USHBP1: variants seen among roughly 807,000 people sequenced by gnomAD.
USHBP1 encodes the protein harmonin-binding protein USHBP1.
USHBP1 carries 67 observed loss-of-function variants against 76.2 expected under a neutral mutation model. The ratio of observed to expected loss-of-function variants is 0.88; its 90% confidence interval spans 0.72 to 1.08. USHBP1 has a LOEUF of 1.08. Among genes scored for constraint, USHBP1 ranks in the 50% least tolerant of loss-of-function variants. The pLI is 0.00. For synonymous variants in USHBP1, 322 were observed against 362.2 expected, an observed-to-expected ratio of 0.89 and a Z score of 1.26; for missense variants, 931 against 915.0, an observed-to-expected ratio of 1.02 and a Z score of -0.23.
chr19:17,252,203 A>C (rs2073561683), intron 10 of USHBP1, among the ~76,000 whole-genome samples, 186 bp from the exon 11 acceptor site: 1 of 152,098 alleles, frequency 6.6e-6, no homozygotes, highest in Admixed American at 6.6e-5. Context: ...TAATTAAAAA[A>C]AATTTTTTTT....
rs1437922381 is a variant in USHBP1 at position 17,262,708 on chromosome 19, C to A, written c.486G>T (p.Lys162Asn). The change falls in exon 4 of 13, where the codon AAG (lysine) becomes AAT (asparagine). Residue 162 changes from lysine (K) to asparagine (N), a missense_variant. Coordinates refer to ENST00000252597, the MANE Select transcript of USHBP1 (RefSeq NM_031941.4). ...GCTGGCAGCTCCCTGCCCCTTCCTG[C>A]TTCCCAAGGGAACCTGCTCCCCCTT... ...TSEGGAGSLG[K>N]QEGAGSCQRE... is the part of the protein sequence containing the mutation. 12 of 1,614,120 alleles carry A rather than the reference C, an allele frequency of 7.4e-6. No individual in the cohort carries two copies. The highest frequency in any genetic ancestry group is 1.3e-5 in the African/African-American group (1 of 74,950).
At chr19:17,251,559 G>C in intron 12 of USHBP1, 23 bp downstream of exon 12, 1 of 1,612,274 alleles carries the variant, frequency 6.2e-7, no homozygotes, top group Non-Finnish European at 8.5e-7. Context: ...CAGGGGGATT[G>C]GGGGGATGCA....
chr19:17,250,280 A>AG lies in USHBP1; in HGVS notation c.2056dup (p.Leu686ProfsTer58). 4 of 1,613,580 alleles carry AG rather than the reference A, an allele frequency of 2.5e-6. No individual in the cohort carries two copies. The highest frequency in any genetic ancestry group is 3.4e-6 in the Non-Finnish European group (4 of 1,179,924). On this transcript the variant is annotated frameshift_variant, in exon 13 of 13. Transcript: ENST00000252597. LOFTEE classifies it low-confidence loss of function (END_TRUNC). ...CGGGAGGGGAGGCCTGGGCTTCCCCAGGGCCCTTGCAGTGGCTTCGAGCAC... is the reference window on the plus strand; with the variant it reads ...CGGGAGGGGAGGCCTGGGCTTCCCCAGGGGCCCTTGCAGTGGCTTCGAGCAC...
At chr19:17,253,317 G>A (rs1599466405) in intron 10 of USHBP1, among the ~76,000 whole-genome samples, 1 of 57,408 alleles carries the variant, frequency 1.7e-5, no homozygotes, top group African/African-American at 1.0e-4. Context: ...TTTTTGAGAC[G>A]GAGTCTCGTC....
intron 9 of USHBP1, 68 bp downstream of exon 9, chr19:17,256,403 C>G: frequency 3.1e-6 from 5 of 1,589,250 alleles, no homozygotes; most frequent in Non-Finnish European, 4.3e-6. Flanking sequence ...CTCCTTGGTC[C>G]CCCGACCTCA....
rs1320343998 is a variant in USHBP1 at position 17,263,983 on chromosome 19, C to T, written c.203+19G>A. ...TGCGTCTGGACTGGAGTGAAGGGCA[C>T]AGACCAAGCGGGTCTTACCTGCTTC... On this transcript the variant is annotated intron_variant, in intron 3 of 12. Coordinates refer to ENST00000252597, the MANE Select transcript of USHBP1 (RefSeq NM_031941.4). 2.6e-6 allele frequency: 4 copies of T among 1,541,734 alleles called. No homozygotes were observed. The Admixed American group carries it at 7.9e-5, about 30-fold the overall frequency.
rs1373124774 is a variant in USHBP1, at chr19:17,250,409, A to AG, written c.1927dup (p.Leu643ProfsTer101). On this transcript the variant is annotated frameshift_variant, in exon 13 of 13. Coordinates refer to ENST00000252597, the MANE Select transcript of USHBP1 (RefSeq NM_031941.4). LOFTEE classifies it low-confidence loss of function (END_TRUNC). ...GTGGGCTCCTCGGAAGGCCAGGACC[A>AG]GGGCGCTGGAAGGGGTGGGTGGCTG... 1 of 1,611,994 alleles carries AG rather than the reference A, an allele frequency of 6.2e-7. No homozygotes were observed. The highest frequency in any genetic ancestry group is 1.1e-5 in the South Asian group (1 of 91,032).
chr19:17,253,296 T>TC (rs1473797203), intron 10 of USHBP1, among the ~76,000 whole-genome samples: 1 of 134,714 alleles, frequency 7.4e-6, no homozygotes, highest in Non-Finnish European at 1.6e-5. Context: ...TAATTTTTTT[T>TC]TCTTTTTTTT....
Position 17,262,736 on chromosome 19 carries a change from C to G in USHBP1, c.458G>C (p.Ser153Thr), listed in dbSNP as rs200725916. The G allele has an allele frequency of 4.3e-5, 70 of 1,614,242 alleles. No homozygotes were observed. The highest frequency in any genetic ancestry group is 3.3e-4 in the Admixed American group (20 of 60,028). ...CCCAAGGGAACCTGCTCCCCCTTCG[C>G]TTGTGCCTTCGAACTCCATCGGCCC... Reference protein sequence around the residue: ...HSGPMEFEGTSEGGAGSLGKQ... With the variant: ...HSGPMEFEGTTEGGAGSLGKQ... Residue 153 changes from serine (S) to threonine (T), a missense_variant, in exon 4 of 13, where the codon AGC (serine) becomes ACC (threonine). Physicochemically the swap from Ser to Thr is moderately conservative, Grantham distance 58. Transcript: ENST00000252597.
Position 17,250,283 on chromosome 19 carries a change from G to A in USHBP1, c.2054C>T (p.Ala685Val). ...GAGGGGAGGCCTGGGCTTCCCCAGG[G>A]CCCTTGCAGTGGCTTCGAGCACCGC... ...EVAVLEATAR[A>V]LGKPRPPLPP... The change falls in exon 13 of 13, where the codon GCC becomes GTC. Residue 685 changes from alanine (A) to valine (V), a missense_variant. Transcript: ENST00000252597. The A allele has an allele frequency of 1.2e-6, 2 of 1,613,666 alleles. No individual in the cohort carries two copies. The highest frequency in any genetic ancestry group is 1.7e-4 in the Middle Eastern group (1 of 6,052).
chr19:17,250,607 A>G lies in USHBP1; in HGVS notation c.1923-193T>C, dbSNP rs529091372. On this transcript the variant is annotated intron_variant, in intron 12 of 12. Coordinates refer to ENST00000252597, the MANE Select transcript of USHBP1 (RefSeq NM_031941.4). ...CGCTTGTCACCCAGGCTGGAGTGCA[A>G]TGGTAAGATCTCCCCTCACTACAAC... 3.9e-5 allele frequency among the ~76,000 whole-genome samples: 6 copies of G among 152,108 alleles called. No individual in the cohort carries two copies. The East Asian group carries it at 7.7e-4, about 20-fold the overall frequency.
In USHBP1 at chr19:17,259,296, G is replaced by A. The variant is rs1418207526; in HGVS notation, c.1039C>T (p.Gln347Ter). The A allele has an allele frequency of 6.2e-6, 10 of 1,612,190 alleles. No homozygotes were observed. The highest frequency in any genetic ancestry group is 8.5e-6 in the Non-Finnish European group (10 of 1,179,396). Residue 347 changes from glutamine to a stop codon, truncating the protein, a stop_gained, in exon 7 of 13, where the codon CAG becomes TAG. Transcript: ENST00000252597. LOFTEE classifies it high-confidence loss of function. The part of the protein sequence containing the change: ...AEATALHLAL[Q>*]YSEHCEEAYR... ...CTGGCAGGGTGCACTGACCTGTACT[G>A]CAAGGCCAGATGCAATGCTGTGGCC...
At chr19:17,254,520 G>A (rs1337889548) in intron 10 of USHBP1, among the ~76,000 whole-genome samples, 1 of 151,768 alleles carries the variant, frequency 6.6e-6, no homozygotes, top group Non-Finnish European at 1.5e-5. Flanking sequence ...GCCGGGCGTG[G>A]TGGCGCGTGC....
In USHBP1 at chr19:17,256,500, G is replaced by A; in HGVS notation, c.1441C>T (p.Gln481Ter). Reference protein sequence around the residue: ...GPALPRLEKTQIQQDLVAARE... With the variant: ...GPALPRLEKT ...GCGGCCACCAGGTCCTGCTGAATTT[G>A]TGTCTTCTCCAGTCGGGGAAGAGCT... Residue 481 changes from glutamine (Q) to a stop codon, truncating the protein, a stop_gained, in exon 9 of 13, where the codon CAA (glutamine) becomes TAA (stop). Transcript: ENST00000252597. LOFTEE classifies it high-confidence loss of function. 5 of 1,613,828 alleles carry A rather than the reference G, an allele frequency of 3.1e-6. No homozygotes were observed. The highest frequency in any genetic ancestry group is 4.2e-6 in the Non-Finnish European group (5 of 1,180,008).
chr19:17,254,365 TAATA>T (rs1296337508), intron 10 of USHBP1, among the ~76,000 whole-genome samples: 9 of 142,206 alleles, frequency 6.3e-5, no homozygotes, highest in African/African-American at 2.4e-4. Flanking sequence ...TAAAAAATAA[TAATA>T]AATAAGCCGG....
intron 4 of USHBP1, among the ~76,000 whole-genome samples, chr19:17,261,570 G>A (rs1420583364): frequency 1.3e-5 from 2 of 151,160 alleles, no homozygotes; most frequent in Non-Finnish European, 2.9e-5. Flanking sequence ...TCCTGACCTC[G>A]TGATCTGTGC....
At chr19:17,251,217 T>C (rs1165223318) in intron 12 of USHBP1, among the ~76,000 whole-genome samples, 1 of 147,926 alleles carries the variant, frequency 6.8e-6, no homozygotes, top group African/African-American at 2.5e-5. Flanking sequence ...TCACCCAAGC[T>C]GGAGTGCAGT....
At chr19:17,261,585 G>T (rs577655486) in intron 4 of USHBP1, among the ~76,000 whole-genome samples, 3 of 151,108 alleles carry the variant, frequency 2.0e-5, no homozygotes, top group Non-Finnish European at 4.4e-5. Flanking sequence ...CTGTGCCTCG[G>T]CCTCCCAAAG....
chr19:17,264,534 C>G, intron 1 of USHBP1, 137 bp downstream of exon 1: 1 of 552,734 alleles, frequency 1.8e-6, no homozygotes, highest in South Asian at 2.4e-5. Context: ...TTGTCCTGAT[C>G]TCCCCCTTCT....
Sources: allele counts gnomAD v4.1 joint callset (sites outside exome capture counted in the v4.1 genomes callset), GRCh38; gene constraint gnomAD v4.1.1; transcripts MANE v1.5; gene names NCBI Gene and HGNC (gene_info 2026-07-23, HGNC 2026-07-21).